The following ADD3 variants were observed in gnomAD, a reference collection of about 807,000 sequenced individuals.
ADD3 encodes the protein adducin 3.
A neutral mutation model predicts 80.2 loss-of-function variants in ADD3; 25 were observed. The ratio of observed to expected loss-of-function variants is 0.31; its 90% CI spans 0.23 to 0.44. The LOEUF is 0.44. ADD3 is among the 20% of genes least tolerant of loss of function. The pLI is 1.00. For synonymous variants in ADD3, 284 were observed against 289.6 expected, an observed-to-expected ratio of 0.98 and a Z score of 0.20; for missense variants, 829 against 847.5, an observed-to-expected ratio of 0.98 and a Z score of 0.27.
chr10:110,059,632 G>A (rs1858634704), intron 1 of ADD3, among the ~76,000 whole-genome samples: 1 of 152,004 alleles, frequency 6.6e-6, no homozygotes, highest in African/African-American at 2.4e-5. Context: ...AGCCGGGCGT[G>A]GTGGCTTGCG....
chr10:110,001,904 A>G (rs931859280), upstream of ADD3, among the ~76,000 whole-genome samples: 6 of 152,222 alleles, frequency 3.9e-5, no homozygotes, highest in East Asian at 1.9e-4. Context: ...GCATATGACT[A>G]TGTGATGAAA....
intron 9 of ADD3, 136 bp from the exon 10 acceptor site, chr10:110,123,881 T>C (rs945430721): frequency 1.2e-6 from 1 of 831,970 alleles, no homozygotes; most frequent in African/African-American, 1.7e-5. Context: ...AGTTATGTGG[T>C]GTTTGGAAGG....
intron 8 of ADD3, among the ~76,000 whole-genome samples, chr10:110,121,208 G>A (rs1035780496): frequency 1.3e-5 from 2 of 152,122 alleles, no homozygotes; most frequent in African/African-American, 4.8e-5. Context: ...ATTTGGCCAG[G>A]CACGGTAGCT....
intron 1 of ADD3, among the ~76,000 whole-genome samples, chr10:110,012,818 C>T (rs1026029680): frequency 1.1e-4 from 17 of 150,452 alleles, no homozygotes; most frequent in Non-Finnish European, 2.4e-4. Flanking sequence ...AGGCTGGTCT[C>T]GAACTCCTGG....
At chr10:110,043,589 A>C (rs1856603403) in intron 1 of ADD3, among the ~76,000 whole-genome samples, 1 of 152,342 alleles carries the variant, frequency 6.6e-6, no homozygotes, top group African/African-American at 2.4e-5. Flanking sequence ...TTTCCACTGC[A>C]TAAGTTCTCC....
chr10:110,045,879 C>T (rs968102870), intron 1 of ADD3, among the ~76,000 whole-genome samples: 2 of 152,112 alleles, frequency 1.3e-5, no homozygotes, highest in African/African-American at 2.4e-5. Context: ...TTGCTGTTGC[C>T]GTGAGCTCAA....
intron 1 of ADD3, among the ~76,000 whole-genome samples, chr10:110,052,489 C>T (rs184990830): frequency 2.3e-3 from 344 of 152,334 alleles, no homozygotes; most frequent in Admixed American, 3.5e-3. Context: ...TTAGGTTGCA[C>T]ACTCCTCATG....
At chr10:110,102,897 T>G (rs1848986151) in intron 2 of ADD3, among the ~76,000 whole-genome samples, 2 of 152,198 alleles carry the variant, frequency 1.3e-5, no homozygotes, top group Admixed American at 6.5e-5. Context: ...ATTTGTAAAT[T>G]GGCTTAAAAG....
chr10:110,055,231 T>A (rs776787812), intron 1 of ADD3, among the ~76,000 whole-genome samples: 1 of 152,196 alleles, frequency 6.6e-6, no homozygotes, highest in Non-Finnish European at 1.5e-5. Flanking sequence ...TTGAACTTCT[T>A]GCCCGGGTGT....
At chr10:110,004,841 A>T (rs1851567159), upstream of ADD3, among the ~76,000 whole-genome samples, 1 of 147,576 alleles carries the variant, frequency 6.8e-6, no homozygotes. Flanking sequence ...AAATCAAGTA[A>T]TATAAAGATA....
At chr10:110,071,334 A>G (rs1284153157) in intron 1 of ADD3, among the ~76,000 whole-genome samples, 1 of 152,204 alleles carries the variant, frequency 6.6e-6, no homozygotes, top group Non-Finnish European at 1.5e-5. Context: ...TAGGTTTGCT[A>G]TAGAACATTG....
intron 1 of ADD3, among the ~76,000 whole-genome samples, chr10:110,018,184 C>G (rs1164075908): frequency 2.0e-5 from 3 of 152,056 alleles, no homozygotes; most frequent in Non-Finnish European, 4.4e-5. Context: ...TGATGAATGC[C>G]AGATGACAGA....
chr10:110,038,966 A>G (rs1470246469), intron 1 of ADD3, among the ~76,000 whole-genome samples: 1 of 152,246 alleles, frequency 6.6e-6, no homozygotes, highest in Admixed American at 6.5e-5. Context: ...GTACATGTAT[A>G]TGTGAATAGA....
intron 1 of ADD3, among the ~76,000 whole-genome samples, chr10:110,036,760 A>C (rs1172131851): frequency 6.6e-6 from 1 of 152,108 alleles, no homozygotes; most frequent in African/African-American, 2.4e-5. Flanking sequence ...TCTTCTAAAT[A>C]TATATTGGCT....
chr10:110,025,569 A>G (rs1210873967), intron 1 of ADD3, among the ~76,000 whole-genome samples: 1 of 31,734 alleles, frequency 3.2e-5, no homozygotes, highest in Non-Finnish European at 8.9e-5. Context: ...ACTTTAAAGG[A>G]GAAGCAAATA....
At chr10:110,004,854 A>G (rs900888528), upstream of ADD3, among the ~76,000 whole-genome samples, 1 of 152,012 alleles carries the variant, frequency 6.6e-6, no homozygotes, top group African/African-American at 2.4e-5. Flanking sequence ...TAAAGATAAA[A>G]TGTAAGGTTA....
intron 1 of ADD3, among the ~76,000 whole-genome samples, chr10:110,022,770 T>C (rs1853830647): frequency 6.6e-6 from 1 of 152,114 alleles, no homozygotes; most frequent in Non-Finnish European, 1.5e-5. Flanking sequence ...AAATATCTCA[T>C]TGGGGAGAAA....
At chr10:110,058,535 A>G (rs80193144) in intron 1 of ADD3, among the ~76,000 whole-genome samples, 2,585 of 152,256 alleles carry the variant, frequency 0.017, 71 homozygotes, top group African/African-American at 0.055. Flanking sequence ...ACCCACGGTG[A>G]TAGTACTTTG....
intron 1 of ADD3, among the ~76,000 whole-genome samples, chr10:110,015,830 C>T (rs539380794): frequency 9.2e-5 from 14 of 152,230 alleles, no homozygotes; most frequent in African/African-American, 3.4e-4. Context: ...CTTAGTAAAA[C>T]ATGCGATAGA....
Sources: allele counts gnomAD v4.1 joint callset (sites outside exome capture counted in the v4.1 genomes callset), GRCh38; gene constraint gnomAD v4.1.1; transcripts MANE v1.5; gene names NCBI Gene and HGNC (gene_info 2026-07-23, HGNC 2026-07-21).